CCDC149: variants seen among roughly 807,000 people sequenced by gnomAD.
CCDC149 encodes the protein coiled-coil domain containing 149, also known as coiled-coil domain-containing protein 149.
A neutral mutation model predicts 59.9 loss-of-function variants in CCDC149; 45 were observed. That is an observed-to-expected ratio of 0.75 (90% CI 0.59 to 0.96). CCDC149 has a LOEUF of 0.96. CCDC149 is among the 40% of genes least tolerant of loss of function. The pLI is 0.00. For synonymous variants in CCDC149, 245 were observed against 260.6 expected (o/e 0.94, Z 0.58); for missense variants, 584 against 664.7 (o/e 0.88, Z 1.33).
chr4:24,920,764 A>G (rs1336900229), intron 1 of CCDC149, among the ~76,000 whole-genome samples: 1 of 152,222 alleles, frequency 6.6e-6, no homozygotes, highest in Non-Finnish European at 1.5e-5. Flanking sequence ...TATATTACAC[A>G]AGTATTAACC....
At chr4:24,834,082 T>C (rs1246457908) in intron 8 of CCDC149, among the ~76,000 whole-genome samples, 4 of 152,246 alleles carry the variant, frequency 2.6e-5, no homozygotes, top group Non-Finnish European at 5.9e-5. Context: ...TAGTTTTCTT[T>C]TGAAAAACAA....
upstream of CCDC149, among the ~76,000 whole-genome samples, chr4:24,914,911 T>TAGTCA (rs1722081583): frequency 6.6e-6 from 1 of 152,140 alleles, no homozygotes. Flanking sequence ...ACCAGTATAC[T>TAGTCA]AGTCAGCACA....
intron 3 of CCDC149, among the ~76,000 whole-genome samples, chr4:24,857,284 C>A (rs800475): frequency 0.9 from 137,011 of 152,060 alleles, 61,892 homozygotes; most frequent in African/African-American, 0.97. Flanking sequence ...TCAATCCATA[C>A]TAGATCAATA....
intron 1 of CCDC149, among the ~76,000 whole-genome samples, chr4:24,926,057 A>T (rs1189331522): frequency 1.3e-5 from 2 of 152,106 alleles, no homozygotes; most frequent in Non-Finnish European, 2.9e-5. Flanking sequence ...TTAGCCAGGC[A>T]TTATGGTGTG....
upstream of CCDC149, among the ~76,000 whole-genome samples, chr4:24,916,849 A>C (rs990384119): frequency 6.7e-6 from 1 of 149,020 alleles, no homozygotes; most frequent in Admixed American, 6.7e-5. Flanking sequence ...AATTAGCTCT[A>C]TATGAGCCAG....
At chr4:24,804,106 A>T (rs148263411), downstream of CCDC149, among the ~76,000 whole-genome samples, 43 of 152,278 alleles carry the variant, frequency 2.8e-4, 1 homozygote, top group East Asian at 5.4e-3. Context: ...ATCTAGTCTG[A>T]AGGGACCCTC....
chr4:24,830,223 C>T (rs1716048595), intron 9 of CCDC149: 1 of 152,438 alleles, frequency 6.6e-6, no homozygotes, highest in East Asian at 1.9e-4. Flanking sequence ...TGTGAGAAGG[C>T]TTGAAAGATG....
At chr4:24,839,422 G>T (rs553557081) in intron 4 of CCDC149, among the ~76,000 whole-genome samples, 1 of 151,918 alleles carries the variant, frequency 6.6e-6, no homozygotes, top group Non-Finnish European at 1.5e-5. Flanking sequence ...CTTGTGATCC[G>T]CCTGCCTCAG....
chr4:24,908,744 C>T (rs558018705), intron 1 of CCDC149, among the ~76,000 whole-genome samples: 1 of 152,166 alleles, frequency 6.6e-6, no homozygotes, highest in African/African-American at 2.4e-5. Flanking sequence ...CTACTTTGGG[C>T]GGAGGCCCAT....
At chr4:24,915,571 T>C (rs1722099609), upstream of CCDC149, among the ~76,000 whole-genome samples, 1 of 152,238 alleles carries the variant, frequency 6.6e-6, no homozygotes. Context: ...TTTGCTTTCC[T>C]TCTCCGAAAT....
downstream of CCDC149, among the ~76,000 whole-genome samples, chr4:24,805,690 G>A (rs915510107): frequency 5.9e-5 from 9 of 152,178 alleles, no homozygotes; most frequent in African/African-American, 1.9e-4. Flanking sequence ...ATGTGACAAG[G>A]TCTCATGCGA....
intron 1 of CCDC149, among the ~76,000 whole-genome samples, chr4:24,943,948 G>C (rs1450148795): frequency 1.3e-5 from 2 of 152,186 alleles, no homozygotes; most frequent in East Asian, 1.9e-4. Flanking sequence ...TTACACTGTT[G>C]GCGGGACTGT....
rs770122005 is a variant in CCDC149, at chr4:24,837,264, C to T, written c.626G>A (p.Arg209His). The T allele has an allele frequency of 1.5e-5, 25 of 1,614,210 alleles. No individual in the cohort carries two copies. The highest frequency in any genetic ancestry group is 1.9e-5 in the Non-Finnish European group (23 of 1,180,030). ...ACACAGGGCGTCCACGTCAATGATG[C>T]GGTTCTCGTGCCCACTCAGGATATG... Residue 209 changes from arginine to histidine, a missense_variant, in exon 6 of 13, where the codon CGC becomes CAC. Physicochemically the swap from Arg to His is conservative, Grantham distance 29. Transcript: ENST00000635206. This position sits in a 1 kb window ranked among gnomAD's most constrained non-coding sequence, Gnocchi z 4.3.
At chr4:24,887,807 T>TAA (rs35092333) in intron 1 of CCDC149, among the ~76,000 whole-genome samples, 18 of 147,808 alleles carry the variant, frequency 1.2e-4, no homozygotes, top group East Asian at 9.9e-4. Flanking sequence ...CACTCTTCTT[T>TAA]AAAAAAAAAA....
intron 3 of CCDC149, among the ~76,000 whole-genome samples, chr4:24,866,574 A>G (rs1718705511): frequency 6.6e-6 from 1 of 152,158 alleles, no homozygotes; most frequent in Non-Finnish European, 1.5e-5. Context: ...CTGAAGTCAC[A>G]AGAAGAAATT....
Position 24,837,106 on chromosome 4 carries a change from G to T in CCDC149, c.662+122C>A, listed in dbSNP as rs1716590782. On this transcript the variant is annotated intron_variant, in intron 6 of 12. Transcript: ENST00000635206. The surrounding 1 kb of genome is among the most constrained non-coding windows in gnomAD (Gnocchi z 4.3). ...TGATGTCATCATTTCGGGGGAGTGA[G>T]TTTCTTTTCACTTGTAAGGCAATTT... 2.1e-6 allele frequency: 2 copies of T among 933,038 alleles called. No homozygotes were observed. Among genetic ancestry groups the T allele is most frequent in the Admixed American group, 2.9e-5 (1 of 35,022 alleles). The allele number at this position is 933,038 out of a possible 1,614,324, so 57.8% of individuals were successfully genotyped here.
At chr4:24,843,197 A>G (rs1015516562) in intron 4 of CCDC149, among the ~76,000 whole-genome samples, 1 of 152,198 alleles carries the variant, frequency 6.6e-6, no homozygotes, top group African/African-American at 2.4e-5. Flanking sequence ...CAGTTGGTAT[A>G]GTTACAATTC....
chr4:24,951,000 T>G (rs1355563868), intron 1 of CCDC149, among the ~76,000 whole-genome samples: 1 of 152,174 alleles, frequency 6.6e-6, no homozygotes, highest in East Asian at 1.9e-4. Flanking sequence ...CATCTATGTA[T>G]CTTTGGGGAC....
chr4:24,812,417 C>A (rs879709780), intron 12 of CCDC149, among the ~76,000 whole-genome samples: 4 of 152,192 alleles, frequency 2.6e-5, no homozygotes, highest in Non-Finnish European at 5.9e-5. Flanking sequence ...AGATCTATAT[C>A]GATGGCTCTG....
Sources: allele counts gnomAD v4.1 joint callset (sites outside exome capture counted in the v4.1 genomes callset), GRCh38; gene constraint gnomAD v4.1.1; non-coding constraint Gnocchi (gnomAD v3.1); transcripts MANE v1.5; gene names NCBI Gene and HGNC (gene_info 2026-07-23, HGNC 2026-07-21).